PCDH15: variants seen among roughly 807,000 people sequenced by gnomAD.
PCDH15 encodes the protein protocadherin-15.
Under a neutral mutation model 178.5 loss-of-function variants are expected in PCDH15, and 129 were observed. The observed-to-expected ratio is 0.72, with a 90% CI of 0.63 to 0.84. PCDH15 has a LOEUF of 0.84. Ranked by LOEUF, PCDH15 falls within the 40% of genes least tolerant of loss-of-function variation. The pLI, the probability that PCDH15 is intolerant of heterozygous loss-of-function variation, is 0.00. For missense variants in PCDH15, 2,230 were observed against 2,099.9 expected (o/e 1.06, Z -1.21); for synonymous variants, 800 against 732.0 (o/e 1.09, Z -1.50).
At chr10:55,591,143 A>T (rs1425715429) in intron 2 of PCDH15, among the ~76,000 whole-genome samples, 1 of 152,022 alleles carries the variant, frequency 6.6e-6, no homozygotes. Flanking sequence ...CTCTACATAC[A>T]TTGCTTCATA....
intron 2 of PCDH15, among the ~76,000 whole-genome samples, chr10:54,637,877 G>T (rs955289935): frequency 6.6e-5 from 10 of 151,962 alleles, no homozygotes; most frequent in Admixed American, 2.6e-4. Context: ...AATCTATTTG[G>T]TACTGTGGAC....
chr10:54,433,117 G>A (rs1239989754), intron 3 of PCDH15, among the ~76,000 whole-genome samples: 4 of 152,076 alleles, frequency 2.6e-5, no homozygotes, highest in Non-Finnish European at 5.9e-5. Context: ...TTACACTGTG[G>A]GTGGGAATGT....
intron 2 of PCDH15, among the ~76,000 whole-genome samples, chr10:54,941,299 C>A (rs1670827): frequency 0.41 from 62,085 of 151,794 alleles, 13,972 homozygotes; most frequent in Middle Eastern, 0.53. Context: ...TCCCTTTCTA[C>A]CCCTCTTTTT....
chr10:53,808,376 G>A, intron 37 of PCDH15: 1 of 980,462 alleles, frequency 1.0e-6, no homozygotes, highest in Non-Finnish European at 1.2e-6. Flanking sequence ...AATAGACAGA[G>A]TGTCACTGAT....
chr10:54,607,988 A>G (rs772198801), intron 2 of PCDH15: 5 of 483,112 alleles, frequency 1.0e-5, no homozygotes, highest in Non-Finnish European at 2.0e-5. Context: ...CTTTGCCTAC[A>G]TCATTTTGGT....
intron 2 of PCDH15, among the ~76,000 whole-genome samples, chr10:55,387,919 A>C (rs1285294494): frequency 3.3e-5 from 5 of 151,988 alleles, no homozygotes; most frequent in Non-Finnish European, 7.4e-5. Context: ...GGATCATTAA[A>C]TTTCCTTTCT....
At chr10:54,761,988 A>T (rs1403867188) in intron 1 of PCDH15, among the ~76,000 whole-genome samples, 4 of 152,164 alleles carry the variant, frequency 2.6e-5, no homozygotes. Context: ...TCCTAACATT[A>T]GTCTAAACAT....
At chr10:55,274,308 G>A (rs574048644) in intron 1 of PCDH15, among the ~76,000 whole-genome samples, 51 of 152,092 alleles carry the variant, frequency 3.4e-4, no homozygotes, top group Non-Finnish European at 5.9e-4. Context: ...AGTGAATACT[G>A]CCTAAATAGT....
At chr10:54,236,961 A>C in intron 8 of PCDH15, 30 bp from the exon 9 acceptor site, 3 of 1,526,026 alleles carry the variant, frequency 2.0e-6, no homozygotes, top group Non-Finnish European at 2.7e-6. Context: ...AGTTTCATTC[A>C]GCCGCATTAC....
chr10:54,587,546 GACTT>G (rs2091579368), intron 2 of PCDH15, among the ~76,000 whole-genome samples: 2 of 144,512 alleles, frequency 1.4e-5, no homozygotes, highest in African/African-American at 5.1e-5. Flanking sequence ...AAAAAAAAAA[GACTT>G]ACATTAAAGG....
chr10:54,599,975 C>A, intron 2 of PCDH15: 1 of 1,196,398 alleles, frequency 8.4e-7, no homozygotes, highest in Non-Finnish European at 1.2e-6. Flanking sequence ...CCAGAAAAAG[C>A]CAAGTCTACT....
At chr10:54,700,239 T>C (rs905497499) in intron 1 of PCDH15, among the ~76,000 whole-genome samples, 15 of 152,122 alleles carry the variant, frequency 9.9e-5, no homozygotes, top group East Asian at 5.8e-4. Context: ...ACTTCCAAGA[T>C]TGAAGGAACA....
intron 2 of PCDH15, among the ~76,000 whole-genome samples, chr10:55,074,545 C>G (rs1482218116): frequency 6.6e-6 from 1 of 152,048 alleles, no homozygotes; most frequent in South Asian, 2.1e-4. Context: ...CCTTTGATCA[C>G]TTTTTAATGG....
At chr10:55,521,611 T>C (rs1287584936) in intron 2 of PCDH15, among the ~76,000 whole-genome samples, 1 of 151,948 alleles carries the variant, frequency 6.6e-6, no homozygotes, top group African/African-American at 2.4e-5. Context: ...CACAGATACT[T>C]TGATTGTTTT....
intron 2 of PCDH15, among the ~76,000 whole-genome samples, chr10:55,126,572 C>T (rs1837905703): frequency 6.6e-6 from 1 of 151,928 alleles, no homozygotes; most frequent in African/African-American, 2.4e-5. Context: ...GGATTGCAGA[C>T]AGTTGACTCT....
intron 2 of PCDH15, among the ~76,000 whole-genome samples, chr10:55,341,402 A>G (rs1199004078): frequency 6.6e-6 from 1 of 152,104 alleles, no homozygotes; most frequent in African/African-American, 2.4e-5. Context: ...GGGAGAATTT[A>G]ACAAGAATTT....
intron 1 of PCDH15, among the ~76,000 whole-genome samples, chr10:55,307,108 T>G (rs1423180311): frequency 1.3e-5 from 2 of 151,962 alleles, no homozygotes; most frequent in Non-Finnish European, 2.9e-5. Flanking sequence ...ATGTAATATG[T>G]ATTTTATATA....
chr10:54,672,759 T>C (rs1201658876), intron 1 of PCDH15, among the ~76,000 whole-genome samples: 2 of 152,158 alleles, frequency 1.3e-5, no homozygotes, highest in African/African-American at 2.4e-5. Flanking sequence ...ATCAATTATA[T>C]ACAATAAATT....
intron 2 of PCDH15, among the ~76,000 whole-genome samples, chr10:55,420,400 G>A (rs914166559): frequency 2.0e-5 from 3 of 151,630 alleles, no homozygotes; most frequent in Admixed American, 6.6e-5. Flanking sequence ...AGGTTGGCAA[G>A]AATGAGAACT....
Sources: allele counts gnomAD v4.1 joint callset (sites outside exome capture counted in the v4.1 genomes callset), GRCh38; gene constraint gnomAD v4.1.1; transcripts MANE v1.5; gene names NCBI Gene and HGNC (gene_info 2026-07-23, HGNC 2026-07-21).